The following CDH4 variants were observed in gnomAD, a reference collection of about 807,000 sequenced individuals.
CDH4 encodes the protein cadherin 4.
In CDH4, 33 loss-of-function variants were observed where a neutral mutation model predicts 86.0. The ratio of observed to expected loss-of-function variants is 0.38; its 90% CI spans 0.29 to 0.51. The LOEUF (loss-of-function observed/expected upper bound fraction) is 0.51, where lower values mean the gene tolerates loss of function less well. Ranked by LOEUF, CDH4 falls within the 20% of genes least tolerant of loss-of-function variation. The probability of loss-of-function intolerance (pLI) is 0.86; values close to 1 mark genes in which losing one functional copy is unlikely to be tolerated. For synonymous variants in CDH4, 555 were observed against 549.4 expected (o/e 1.01, Z -0.14); for missense variants, 1,114 against 1,307.4 (o/e 0.85, Z 2.28).
intron 4 of CDH4, among the ~76,000 whole-genome samples, chr20:61,799,455 G>A (rs896102297): frequency 2.0e-5 from 3 of 152,174 alleles, no homozygotes; most frequent in South Asian, 2.1e-4. Context: ...TTTTAGAGTC[G>A]ATCTTTGTGC....
At position 61,326,944 on chromosome 20, in the gene CDH4, A is replaced by G. The variant is rs988294891; in HGVS notation, c.169+72007A>G. Among the ~76,000 whole-genome samples the G allele has an allele frequency of 1.8e-4, 27 of 152,194 alleles. 1 individual carries two copies. Among genetic ancestry groups the G allele is most frequent in the Non-Finnish European group, 8.8e-5 (6 of 68,044 alleles). On this transcript the variant is annotated intron_variant, in intron 2 of 15. Coordinates refer to ENST00000614565, the MANE Select transcript of CDH4 (RefSeq NM_001794.5). ...ACTATTTTCAGTACTGCCTTCCTAT[A>G]TGTCATCTACAAACAACCTGCTTGT...
chr20:61,932,903 CCACATAGACACATGGCAAA>C, intron 13 of CDH4, 63 bp from the exon 14 acceptor site: 3 of 1,539,854 alleles, frequency 1.9e-6, no homozygotes, highest in Non-Finnish European at 2.6e-6. Flanking sequence ...ATGTACATGC[CCACATAGACACATGGCAAA>C]CACAGAGGCA....
At chr20:61,899,013 AG>A (rs1365884738) in intron 8 of CDH4, among the ~76,000 whole-genome samples, 1 of 152,170 alleles carries the variant, frequency 6.6e-6, no homozygotes, top group East Asian at 1.9e-4. Context: ...AAGAAGAGGG[AG>A]GGCCGGGCGC....
chr20:61,495,271 T>G (rs1056515235), intron 2 of CDH4, among the ~76,000 whole-genome samples: 2 of 152,220 alleles, frequency 1.3e-5, no homozygotes, highest in Admixed American at 6.5e-5. Context: ...TCCCAGGCCC[T>G]GGAGCTCAGG....
At chr20:61,909,528 TAA>T (rs2054827134) in intron 8 of CDH4, among the ~76,000 whole-genome samples, 2 of 152,190 alleles carry the variant, frequency 1.3e-5, no homozygotes, top group Admixed American at 1.3e-4. Context: ...TTGCTCCCTC[TAA>T]AGACTCCAGG....
chr20:61,299,251 A>G (rs1401082034), intron 2 of CDH4, among the ~76,000 whole-genome samples: 2 of 152,182 alleles, frequency 1.3e-5, no homozygotes, highest in East Asian at 1.9e-4. Context: ...CAGAGATGGG[A>G]GTGATACATC....
At chr20:61,396,362 T>C (rs112532775) in intron 2 of CDH4, among the ~76,000 whole-genome samples, 177 of 152,280 alleles carry the variant, frequency 1.2e-3, no homozygotes, top group Non-Finnish European at 2.1e-3. Flanking sequence ...TGTATGGAAC[T>C]GAGCCTCTGG....
At chr20:61,815,836 C>T (rs1007470325) in intron 4 of CDH4, among the ~76,000 whole-genome samples, 9 of 152,250 alleles carry the variant, frequency 5.9e-5, no homozygotes, top group Admixed American at 2.0e-4. Context: ...AAAGCTCCCA[C>T]TTGCCCAGGT....
At chr20:61,279,459 C>T (rs1006646821) in intron 2 of CDH4, among the ~76,000 whole-genome samples, 1 of 152,116 alleles carries the variant, frequency 6.6e-6, no homozygotes, top group African/African-American at 2.4e-5. Context: ...TTTGTGTTAC[C>T]CTCTTTCTCC....
chr20:61,626,339 A>T (rs963566803), intron 2 of CDH4, among the ~76,000 whole-genome samples: 40 of 152,270 alleles, frequency 2.6e-4, no homozygotes, highest in African/African-American at 7.7e-4. Context: ...GGCCAGTTTC[A>T]CTGGTCTCAT....
At chr20:61,642,940 TA>T (rs1329229822) in intron 2 of CDH4, among the ~76,000 whole-genome samples, 1 of 152,240 alleles carries the variant, frequency 6.6e-6, no homozygotes, top group Admixed American at 6.5e-5. Flanking sequence ...TGATTACTTT[TA>T]GGACTGACTT....
At chr20:61,524,124 A>C (rs554665561) in intron 2 of CDH4, among the ~76,000 whole-genome samples, 2 of 152,268 alleles carry the variant, frequency 1.3e-5, no homozygotes, top group South Asian at 2.1e-4. Flanking sequence ...AAACCCACAC[A>C]ACTAAACTAA....
At chr20:61,861,307 G>A (rs1226474349) in intron 6 of CDH4, among the ~76,000 whole-genome samples, 1 of 152,196 alleles carries the variant, frequency 6.6e-6, no homozygotes, top group Non-Finnish European at 1.5e-5. Flanking sequence ...TCGGCCAGGT[G>A]CCAGGCACCA....
rs572913495 is a variant in CDH4 at position 61,314,694 on chromosome 20, C to T, written c.169+59757C>T. 3.9e-4 allele frequency among the ~76,000 whole-genome samples: 60 copies of T among 152,306 alleles called. 1 individual carries two copies. The highest frequency in any genetic ancestry group is 6.6e-4 in the Non-Finnish European group (45 of 68,036). ...TACCTTTAATGTTCTGAGGAACCTC[C>T]ATGCTATCTTCCATAACGCTCATCC... On this transcript the variant is annotated intron_variant, in intron 2 of 15. Transcript: ENST00000614565.
At chr20:61,661,918 T>A (rs1294312286) in intron 2 of CDH4, among the ~76,000 whole-genome samples, 1 of 152,194 alleles carries the variant, frequency 6.6e-6, no homozygotes, top group East Asian at 1.9e-4. Flanking sequence ...ATGCAACTGT[T>A]GTAGGCACTG....
intron 2 of CDH4, among the ~76,000 whole-genome samples, chr20:61,308,503 C>T (rs1000208431): frequency 6.6e-6 from 1 of 152,204 alleles, no homozygotes; most frequent in African/African-American, 2.4e-5. Context: ...CACCTGCAAA[C>T]TCTGGCAAAA....
chr20:61,279,193 C>T (rs1246064491), intron 2 of CDH4, among the ~76,000 whole-genome samples: 5 of 152,194 alleles, frequency 3.3e-5, no homozygotes, highest in African/African-American at 9.6e-5. Context: ...GAACATTCTA[C>T]GTGGTGGGCA....
chr20:61,530,383 A>G (rs377456682), intron 2 of CDH4, among the ~76,000 whole-genome samples: 20 of 152,258 alleles, frequency 1.3e-4, no homozygotes, highest in African/African-American at 4.8e-4. Context: ...GCCCTTCCTT[A>G]GAATCCTACC....
intron 2 of CDH4, among the ~76,000 whole-genome samples, chr20:61,720,016 C>A (rs568174839): frequency 6.6e-6 from 1 of 152,226 alleles, no homozygotes; most frequent in South Asian, 2.1e-4. Flanking sequence ...GGGCGTCTTC[C>A]TTCTTGCAAG....
Sources: gnomAD v4.1 joint callset for allele counts (sites outside exome capture counted in the v4.1 genomes callset) on GRCh38, gnomAD v4.1.1 for gene constraint, MANE v1.5 for transcripts, NCBI Gene and HGNC (gene_info 2026-07-23, HGNC 2026-07-21) for gene names.